Variants in GBF1 observed in about 807,000 individuals in gnomAD.
The protein encoded by GBF1 is golgi brefeldin A resistant guanine nucleotide exchange factor 1.
A neutral mutation model predicts 210.5 loss-of-function variants in GBF1; 114 were observed. The ratio of observed to expected loss-of-function variants is 0.54; its 90% CI spans 0.47 to 0.63. The LOEUF is 0.63. Among genes scored for constraint, GBF1 ranks in the 30% least tolerant of loss-of-function variants. The pLI is 0.00. For synonymous variants in GBF1, 850 were observed against 889.2 expected, an observed-to-expected ratio of 0.96 and a Z score of 0.78; for missense variants, 1,851 against 2,357.7, an observed-to-expected ratio of 0.79 and a Z score of 4.45.
chr10:102,283,991 C>A (rs7082702), intron 3 of GBF1, among the ~76,000 whole-genome samples: 4 of 152,164 alleles, frequency 2.6e-5, no homozygotes, highest in African/African-American at 9.7e-5. Context: ...CAGACATAGA[C>A]GTCCACTGAC....
At chr10:102,293,762 A>ATTTTTTTTTT (rs1565071251) in intron 3 of GBF1, among the ~76,000 whole-genome samples, 1 of 44,572 alleles carries the variant, frequency 2.2e-5, no homozygotes, top group Non-Finnish European at 4.2e-5. Context: ...CAGCTGTAGT[A>ATTTTTTTTTT]TGTTTTGTGT....
At chr10:102,275,649 A>G (rs1196305093) in intron 3 of GBF1, among the ~76,000 whole-genome samples, 1 of 152,302 alleles carries the variant, frequency 6.6e-6, no homozygotes, top group Middle Eastern at 3.4e-3. Context: ...TTAAAGTGCA[A>G]TTCTTTCTCC....
At position 102,353,599 on chromosome 10, in the gene GBF1, G is replaced by C; in HGVS notation, c.585-1G>C. The C allele has an allele frequency of 6.3e-7, 1 of 1,596,652 alleles. No individual in the cohort carries two copies. On this transcript the variant is annotated splice_acceptor_variant, in intron 7 of 39. Transcript: ENST00000369983. LOFTEE classifies it high-confidence loss of function. ...CAGTTGATGGATTTTCTATCTTATA[G>C]GTTACCTCAGTTTAAAGAAGAACCC...
At chr10:102,342,910 C>A (rs1164690959) in intron 3 of GBF1, among the ~76,000 whole-genome samples, 1 of 152,118 alleles carries the variant, frequency 6.6e-6, no homozygotes, top group African/African-American at 2.4e-5. Context: ...AGTAAAATTT[C>A]ATCTATTTAG....
chr10:102,359,205 A>G lies in GBF1; in HGVS notation c.1012-62A>G, dbSNP rs922201103. On this transcript the variant is annotated intron_variant, in intron 10 of 39. Coordinates refer to ENST00000369983, the MANE Select transcript of GBF1 (RefSeq NM_001377137.1). ...GCTTGGAAGACAGCTACTTCAGGGGAGTAAGTTCCAAGTTGCTCTTGCCTC... is the reference window on the plus strand; with the variant it reads ...GCTTGGAAGACAGCTACTTCAGGGGGGTAAGTTCCAAGTTGCTCTTGCCTC... The G allele has an allele frequency of 3.3e-5, 37 of 1,123,780 alleles. No homozygotes were observed. In the African/African-American group the frequency reaches 5.5e-4, roughly 17 times the overall value. 69.6% of individuals were successfully genotyped at this position (1,123,780 alleles called of 1,614,324 possible). A position where few individuals can be genotyped will look rare whatever the true frequency, so the allele number is the denominator to read the frequency against.
chr10:102,293,411 A>G (rs1217147176), intron 3 of GBF1, among the ~76,000 whole-genome samples: 1 of 152,206 alleles, frequency 6.6e-6, no homozygotes, highest in Non-Finnish European at 1.5e-5. Flanking sequence ...TATCTATTTC[A>G]TATATTATAT....
intron 3 of GBF1, among the ~76,000 whole-genome samples, chr10:102,282,067 C>A (rs2075545734): frequency 6.6e-6 from 1 of 150,818 alleles, no homozygotes. Context: ...GCTGGGACTA[C>A]AGGCGCCCAC....
intron 1 of GBF1, among the ~76,000 whole-genome samples, chr10:102,254,293 A>G (rs970046753): frequency 6.6e-6 from 1 of 152,132 alleles, no homozygotes; most frequent in African/African-American, 2.4e-5. Context: ...CAGCTACCCA[A>G]GAGGCTGTTG....
chr10:102,246,386 T>C (rs2070832488), intron 1 of GBF1, among the ~76,000 whole-genome samples: 1 of 152,206 alleles, frequency 6.6e-6, no homozygotes, highest in African/African-American at 2.4e-5. Context: ...TCTGGGTCTG[T>C]ATGTAAACAC....
Position 102,368,203 on chromosome 10 carries a change from C to T in GBF1, c.2643-15C>T. ...TCAAAGCAGTGCAACTGCTCCTTCC[C>T]TTACCTCCTGACAGGAATGAGGAAA... On this transcript the variant is annotated splice_polypyrimidine_tract_variant and intron_variant, in intron 21 of 39. Transcript: ENST00000369983. The T allele has an allele frequency of 6.4e-7, 1 of 1,567,246 alleles. No homozygotes were observed. The highest frequency in any genetic ancestry group is 8.8e-7 in the Non-Finnish European group (1 of 1,137,730).
chr10:102,257,836 C>A (rs2072623418), intron 1 of GBF1, among the ~76,000 whole-genome samples: 1 of 152,044 alleles, frequency 6.6e-6, no homozygotes, highest in Non-Finnish European at 1.5e-5. Flanking sequence ...CTCAAGCAAT[C>A]CTCCCGCCTC....
chr10:102,230,695 G>A, the GBF1 span: 17 of 1,564,448 alleles, frequency 1.1e-5, no homozygotes, highest in African/African-American at 2.2e-4. Flanking sequence ...GGCGGCGGCG[G>A]CGGCCGAGGC....
rs556945104 is a variant in GBF1 at position 102,300,393 on chromosome 10, A to T, written c.163+40277A>T. On this transcript the variant is annotated intron_variant, in intron 3 of 39. Coordinates refer to ENST00000369983, the MANE Select transcript of GBF1 (RefSeq NM_001377137.1). ...ATAGCAGTAGGGCAAGCATTATTCA[A>T]CAGCTAAAAAAAAAGTTAAGGTCGC... Among the ~76,000 whole-genome samples the T allele has an allele frequency of 9.2e-5, 14 of 152,298 alleles. No individual in the cohort carries two copies. In the South Asian group the frequency reaches 2.7e-3, roughly 29 times the overall value.
chr10:102,325,316 A>C (rs989427053), intron 3 of GBF1, among the ~76,000 whole-genome samples: 1 of 152,150 alleles, frequency 6.6e-6, no homozygotes, highest in East Asian at 1.9e-4. Flanking sequence ...TGGGAGGCCA[A>C]GGCAGGCGGA....
intron 8 of GBF1, 104 bp downstream of exon 8, chr10:102,353,758 C>T (rs748947902): frequency 1.3e-5 from 10 of 788,936 alleles, no homozygotes; most frequent in Admixed American, 2.0e-5. Context: ...TTTGCCTAAA[C>T]AGGTCTGCTT....
chr10:102,306,046 C>CTATA (rs34969636), intron 3 of GBF1, among the ~76,000 whole-genome samples: 25 of 151,574 alleles, frequency 1.6e-4, no homozygotes, highest in South Asian at 4.2e-4. Flanking sequence ...AGCAAGGTTA[C>CTATA]TATATATATA....
chr10:102,260,625 G>A (rs1186345980), intron 3 of GBF1, among the ~76,000 whole-genome samples: 4 of 151,408 alleles, frequency 2.6e-5, no homozygotes, highest in Non-Finnish European at 4.4e-5. Context: ...TTACAGGCGC[G>A]TGCCACCACA....
At chr10:102,322,499 A>G (rs2056492238) in intron 3 of GBF1, among the ~76,000 whole-genome samples, 1 of 152,080 alleles carries the variant, frequency 6.6e-6, no homozygotes, top group African/African-American at 2.4e-5. Context: ...TCCCCACTAT[A>G]AATTCCTTTT....
chr10:102,267,677 G>A (rs2074003222), intron 3 of GBF1, among the ~76,000 whole-genome samples: 1 of 152,182 alleles, frequency 6.6e-6, no homozygotes, highest in Admixed American at 6.6e-5. Flanking sequence ...TGGGTCATCA[G>A]CTTTTGTTCC....
Sources: allele counts gnomAD v4.1 joint callset (sites outside exome capture counted in the v4.1 genomes callset), GRCh38; gene constraint gnomAD v4.1.1; transcripts MANE v1.5; gene names NCBI Gene and HGNC (gene_info 2026-07-23, HGNC 2026-07-21).